The following SMC1B variants were observed in gnomAD, a reference collection of about 807,000 sequenced individuals.
SMC1B encodes the protein structural maintenance of chromosomes protein 1B.
SMC1B carries 60 observed loss-of-function variants against 157.9 expected under a neutral mutation model. The ratio of observed to expected loss-of-function variants is 0.38; its 90% confidence interval spans 0.31 to 0.47. SMC1B has a LOEUF of 0.47. Ranked by LOEUF, SMC1B falls within the 20% of genes least tolerant of loss-of-function variation. The pLI is 0.99. For synonymous variants in SMC1B, 445 were observed against 483.0 expected (o/e 0.92, Z 1.03); for missense variants, 1,165 against 1,426.2 (o/e 0.82, Z 2.95).
chr22:45,395,225 T>C (rs2087109514), intron 7 of SMC1B, among the ~76,000 whole-genome samples: 1 of 152,184 alleles, frequency 6.6e-6, no homozygotes, highest in African/African-American at 2.4e-5. Context: ...TAAGTAATTA[T>C]AGTAGAGTGG....
intron 11 of SMC1B, 142 bp downstream of exon 11, chr22:45,386,723 ACC>A: frequency 1.7e-6 from 1 of 596,384 alleles, no homozygotes; most frequent in Non-Finnish European, 2.7e-6. Context: ...TGAAGCCATA[ACC>A]ACCTTAGGTT....
chr22:45,384,729 A>G (rs1187293438), intron 11 of SMC1B, among the ~76,000 whole-genome samples: 1 of 151,918 alleles, frequency 6.6e-6, no homozygotes, highest in Non-Finnish European at 1.5e-5. Flanking sequence ...CAAAAAAAAA[A>G]AAAGAAAAGA....
chr22:45,353,871 T>C (rs2086638811), intron 21 of SMC1B, 107 bp downstream of exon 21: 1 of 873,722 alleles, frequency 1.1e-6, no homozygotes, highest in Non-Finnish European at 1.7e-6. Flanking sequence ...GCTCAAATAA[T>C]GTGGCAGTGG....
rs2146854029 is a variant in SMC1B, at chr22:45,406,602, A to G, written c.473T>C (p.Ile158Thr). ...TCCTATAAGCTCTCCTGAAGTGCTG[A>G]TTTCCTCAAAAAACTGGGTCCTTTC... ...PKERTQFFEE[I>T]STSGELIGEY... is the part of the protein sequence containing the mutation. Residue 158 changes from isoleucine (I) to threonine (T), a missense_variant, in exon 4 of 25, where the codon ATC becomes ACC. Coordinates refer to ENST00000357450, the MANE Select transcript of SMC1B (RefSeq NM_148674.5). 1 of 1,613,518 alleles carries G rather than the reference A, an allele frequency of 6.2e-7. No homozygotes were observed. Among genetic ancestry groups the G allele is most frequent in the East Asian group, 2.2e-5 (1 of 44,840 alleles).
intron 5 of SMC1B, among the ~76,000 whole-genome samples, chr22:45,402,009 G>T (rs761303957): frequency 5.9e-5 from 9 of 151,732 alleles, no homozygotes; most frequent in Admixed American, 4.6e-4. Context: ...TCAGCCTCCC[G>T]AGTAGGTGGG....
At chr22:45,351,295 C>T (rs1049516490) in intron 22 of SMC1B, among the ~76,000 whole-genome samples, 1 of 152,202 alleles carries the variant, frequency 6.6e-6, no homozygotes, top group Non-Finnish European at 1.5e-5. Context: ...CTCCCCAGTG[C>T]CTGCAACAGC....
intron 15 of SMC1B, among the ~76,000 whole-genome samples, chr22:45,365,520 C>T (rs2086767270): frequency 6.6e-6 from 1 of 152,072 alleles, no homozygotes; most frequent in Non-Finnish European, 1.5e-5. Context: ...GCCTGGGCAA[C>T]ATGGCAAAAC....
At chr22:45,363,455 C>T (rs1602056177) in intron 15 of SMC1B, among the ~76,000 whole-genome samples, 2 of 152,268 alleles carry the variant, frequency 1.3e-5, no homozygotes, top group Admixed American at 6.5e-5. Flanking sequence ...GCCAAGGTGG[C>T]ACATCACTTG....
Position 45,362,929 on chromosome 22 carries a change from C to T in SMC1B, c.2518G>A (p.Glu840Lys). The T allele has an allele frequency of 1.2e-6, 2 of 1,604,606 alleles. No individual in the cohort carries two copies. The highest frequency in any genetic ancestry group is 1.1e-5 in the South Asian group (1 of 89,106). The change falls in exon 16 of 25, where the codon GAA becomes AAA. Residue 840 changes from glutamate (E) to lysine (K), a missense_variant. Physicochemically the swap from Glu to Lys is moderately conservative, Grantham distance 56. Transcript: ENST00000357450. ...KKLNKINTLK[E>K]TIQKGSEDID... is the part of the protein sequence containing the mutation. ...TCTTCACTACCTTTCTGGATAGTTT[C>T]TTTTAATGTGTTGATCTTATTCAGT...
intron 23 of SMC1B, among the ~76,000 whole-genome samples, chr22:45,347,739 C>G (rs1404555388): frequency 6.6e-6 from 1 of 152,192 alleles, no homozygotes; most frequent in Non-Finnish European, 1.5e-5. Flanking sequence ...CAGGCATGAG[C>G]CATCACGCCT....
chr22:45,357,221 G>A (rs532485293), intron 19 of SMC1B, among the ~76,000 whole-genome samples: 3 of 152,344 alleles, frequency 2.0e-5, no homozygotes, highest in African/African-American at 7.2e-5. Flanking sequence ...GTAGCTGTGT[G>A]GCTGTAAAGC....
At chr22:45,383,634 T>C in intron 11 of SMC1B, 21 bp from the exon 12 acceptor site, 1 of 1,572,356 alleles carries the variant, frequency 6.4e-7, no homozygotes, top group Middle Eastern at 1.7e-4. Flanking sequence ...AAAAATATTT[T>C]GCCCTGGAGA....
intron 14 of SMC1B, among the ~76,000 whole-genome samples, chr22:45,370,492 G>A (rs1015879504): frequency 2.6e-5 from 4 of 152,084 alleles, no homozygotes; most frequent in Non-Finnish European, 4.4e-5. Context: ...AGCTAGAATG[G>A]GGAAATTCAA....
chr22:45,363,172 C>G (rs2086738186), intron 15 of SMC1B, 146 bp from the exon 16 acceptor site: 2 of 587,282 alleles, frequency 3.4e-6, no homozygotes, highest in Non-Finnish European at 5.7e-6. Flanking sequence ...TAATAATTAT[C>G]AATTCATGGT....
chr22:45,352,774 T>C (rs1019614419), intron 21 of SMC1B, among the ~76,000 whole-genome samples, 172 bp from the exon 22 acceptor site: 2 of 152,172 alleles, frequency 1.3e-5, no homozygotes, highest in African/African-American at 2.4e-5. Flanking sequence ...ACAACAGGGT[T>C]GTCTGGGTAG....
At chr22:45,394,984 T>C (rs554174934) in intron 7 of SMC1B, among the ~76,000 whole-genome samples, 1 of 152,360 alleles carries the variant, frequency 6.6e-6, no homozygotes, top group Admixed American at 6.5e-5. Flanking sequence ...TTTCTCTCTG[T>C]AACTTCAAAC....
intron 19 of SMC1B, among the ~76,000 whole-genome samples, chr22:45,355,765 A>G (rs2086663998): frequency 6.6e-6 from 1 of 152,106 alleles, no homozygotes. Context: ...TTTGCCACAA[A>G]TACAATCAGA....
intron 5 of SMC1B, 23 bp downstream of exon 5, chr22:45,402,310 A>G: frequency 2.0e-6 from 3 of 1,496,490 alleles, no homozygotes; most frequent in Non-Finnish European, 2.8e-6. Context: ...CCCAACTGTT[A>G]ATATCTACTT....
intron 12 of SMC1B, among the ~76,000 whole-genome samples, chr22:45,382,798 T>C (rs2146813676): frequency 6.6e-6 from 1 of 152,170 alleles, no homozygotes; most frequent in Admixed American, 6.5e-5. Flanking sequence ...CAGAGGACCA[T>C]TAAATTCATG....
Sources: allele counts gnomAD v4.1 joint callset (sites outside exome capture counted in the v4.1 genomes callset), GRCh38; gene constraint gnomAD v4.1.1; transcripts MANE v1.5; gene names NCBI Gene and HGNC (gene_info 2026-07-23, HGNC 2026-07-21).